Variants in CNTN4 observed in about 807,000 individuals in gnomAD.
The protein encoded by CNTN4 is contactin 4, also known as contactin-4.
CNTN4 carries 77 observed loss-of-function variants against 122.5 expected under a neutral mutation model. That is an observed-to-expected ratio of 0.63 (90% CI 0.52 to 0.76). The LOEUF (loss-of-function observed/expected upper bound fraction) is 0.76. Ranked by LOEUF, CNTN4 falls within the 30% of genes least tolerant of loss-of-function variation. The pLI is 0.00. For missense variants in CNTN4, 1,256 were observed against 1,259.1 expected, an observed-to-expected ratio of 1.00 and a Z score of 0.04; for synonymous variants, 512 against 447.0, an observed-to-expected ratio of 1.15 and a Z score of -1.83.
At chr3:2,746,578 T>G (rs2089780171) in intron 6 of CNTN4, among the ~76,000 whole-genome samples, 1 of 152,224 alleles carries the variant, frequency 6.6e-6, no homozygotes, top group African/African-American at 2.4e-5. Context: ...TCCCAACTCA[T>G]ATAGCAGTGA....
intron 2 of CNTN4, among the ~76,000 whole-genome samples, chr3:2,123,433 G>C (rs1270728040): frequency 6.6e-6 from 1 of 152,104 alleles, no homozygotes; most frequent in Non-Finnish European, 1.5e-5. Context: ...AGGTTTTTCT[G>C]GTCAGTATCC....
intron 3 of CNTN4, among the ~76,000 whole-genome samples, chr3:2,542,572 G>T (rs1469611114): frequency 1.3e-5 from 2 of 152,080 alleles, no homozygotes; most frequent in Non-Finnish European, 2.9e-5. Flanking sequence ...AAATTTTGCT[G>T]AATGTCAGAT....
chr3:2,705,164 C>A (rs1019249239), intron 4 of CNTN4, among the ~76,000 whole-genome samples: 1 of 150,892 alleles, frequency 6.6e-6, no homozygotes, highest in Non-Finnish European at 1.5e-5. Context: ...GTCAGGAGAT[C>A]GAGACCATCC....
At chr3:2,577,711 G>A (rs565775829) in intron 4 of CNTN4, among the ~76,000 whole-genome samples, 2 of 152,174 alleles carry the variant, frequency 1.3e-5, no homozygotes, top group Non-Finnish European at 2.9e-5. Flanking sequence ...ATGTGCTATT[G>A]ATTCTGTTCA....
At chr3:2,563,682 C>A (rs1048428718) in intron 3 of CNTN4, among the ~76,000 whole-genome samples, 1 of 152,104 alleles carries the variant, frequency 6.6e-6, no homozygotes, top group Admixed American at 6.6e-5. Flanking sequence ...CTGTGTTTAA[C>A]TAAACAATGT....
intron 2 of CNTN4, among the ~76,000 whole-genome samples, chr3:2,268,933 G>A (rs2041161025): frequency 6.6e-6 from 1 of 152,058 alleles, no homozygotes; most frequent in African/African-American, 2.4e-5. Flanking sequence ...GGAATTAGGT[G>A]GCTGATTATC....
intron 3 of CNTN4, among the ~76,000 whole-genome samples, chr3:2,467,361 T>C (rs968224181): frequency 1.3e-5 from 2 of 152,216 alleles, no homozygotes; most frequent in Admixed American, 6.5e-5. Context: ...TATTTGCCCT[T>C]GGACAGTTAT....
At chr3:2,492,812 C>T (rs576007138) in intron 3 of CNTN4, among the ~76,000 whole-genome samples, 7 of 152,244 alleles carry the variant, frequency 4.6e-5, no homozygotes, top group African/African-American at 1.7e-4. Flanking sequence ...GAACCGCATG[C>T]CAGTACCCTA....
chr3:2,578,178 C>T (rs575633321), intron 4 of CNTN4, among the ~76,000 whole-genome samples: 1 of 152,244 alleles, frequency 6.6e-6, no homozygotes, highest in Admixed American at 6.5e-5. Context: ...AGAACACATA[C>T]AAAGAATGCT....
Position 2,561,936 on chromosome 3 carries a change from TG to T in CNTN4, c.-88-9479del, listed in dbSNP as rs538307609. On this transcript the variant is annotated intron_variant, in intron 3 of 24. Coordinates refer to ENST00000418658, the MANE Select transcript of CNTN4 (RefSeq NM_175607.3). ...AAAGAGTGCCATAATCAATTAGCAT[TG>T]CTTTCCATAGGAGTGGGACAGAGGA... 2.4e-3 allele frequency among the ~76,000 whole-genome samples: 367 copies of T among 152,328 alleles called. 1 individual carries two copies. Among genetic ancestry groups the T allele is most frequent in the Non-Finnish European group, 4.5e-3 (309 of 68,038 alleles).
chr3:2,724,982 A>G (rs2088119830), intron 4 of CNTN4, among the ~76,000 whole-genome samples: 1 of 152,242 alleles, frequency 6.6e-6, no homozygotes, highest in African/African-American at 2.4e-5. Context: ...ACTCTGGATT[A>G]TAGTACTCTT....
intron 2 of CNTN4, among the ~76,000 whole-genome samples, chr3:2,272,911 T>C (rs567343127): frequency 4.8e-4 from 73 of 152,140 alleles, no homozygotes; most frequent in African/African-American, 1.6e-3. Flanking sequence ...TCAAGCCCTA[T>C]CAAAGTGCCC....
chr3:2,879,998 A>G (rs1349557926), intron 8 of CNTN4, among the ~76,000 whole-genome samples: 3 of 152,196 alleles, frequency 2.0e-5, no homozygotes, highest in African/African-American at 7.2e-5. Context: ...AAGTAGGTAA[A>G]GGATTCTGGG....
At chr3:2,931,826 G>C (rs983081909) in intron 13 of CNTN4, among the ~76,000 whole-genome samples, 2 of 151,936 alleles carry the variant, frequency 1.3e-5, no homozygotes, top group African/African-American at 4.8e-5. Context: ...TTTGTTGCTT[G>C]TAGAGACAGA....
chr3:2,704,079 T>C (rs929133906), intron 4 of CNTN4, among the ~76,000 whole-genome samples: 3 of 151,464 alleles, frequency 2.0e-5, no homozygotes, highest in African/African-American at 7.3e-5. Flanking sequence ...GGCGGATCAT[T>C]TGAGGTCAGG....
chr3:2,115,832 A>T, intron 2 of CNTN4, among the ~76,000 whole-genome samples: 1 of 152,192 alleles, frequency 6.6e-6, no homozygotes, highest in East Asian at 1.9e-4. Flanking sequence ...TCAACACCTA[A>T]AAAGTCCTTT....
chr3:2,646,558 A>G (rs748725180), intron 4 of CNTN4, among the ~76,000 whole-genome samples: 2 of 152,200 alleles, frequency 1.3e-5, no homozygotes, highest in African/African-American at 2.4e-5. Flanking sequence ...CATTGTTACC[A>G]TGTTGAAAGA....
intron 3 of CNTN4, among the ~76,000 whole-genome samples, chr3:2,402,811 A>G (rs1026023206): frequency 1.3e-5 from 2 of 152,140 alleles, no homozygotes; most frequent in African/African-American, 4.8e-5. Context: ...TAGGGAATTT[A>G]ATATACCTAA....
At chr3:2,161,393 T>G (rs1352833311) in intron 2 of CNTN4, among the ~76,000 whole-genome samples, 1 of 151,946 alleles carries the variant, frequency 6.6e-6, no homozygotes, top group Admixed American at 6.6e-5. Flanking sequence ...GAAGAACAAG[T>G]AGAGGAAGCA....
Sources: gnomAD v4.1 joint callset for allele counts (sites outside exome capture counted in the v4.1 genomes callset) on GRCh38, gnomAD v4.1.1 for gene constraint, MANE v1.5 for transcripts, NCBI Gene and HGNC (gene_info 2026-07-23, HGNC 2026-07-21) for gene names.